Variants in BLACAT1 observed in about 807,000 individuals in gnomAD.
BLACAT1 encodes BLACAT1 overlapping LEMD1 locus.
At chr1:205,440,043 T>G (rs7552585) in exon 2 of BLACAT1, among the ~76,000 whole-genome samples, 1 of 151,868 alleles carries the variant, frequency 6.6e-6, no homozygotes, top group Non-Finnish European at 1.5e-5. Context: ...GCACCACATA[T>G]GAACGCAGTC....
At chr1:205,438,927 G>A (rs1440382973), downstream of BLACAT1, among the ~76,000 whole-genome samples, 2 of 151,958 alleles carry the variant, frequency 1.3e-5, no homozygotes, top group South Asian at 2.1e-4. Flanking sequence ...TCGGCCACCC[G>A]CTCCCCAGGA....
At chr1:205,447,432 G>A (rs576972452) in intron 1 of BLACAT1, among the ~76,000 whole-genome samples, 86 of 152,274 alleles carry the variant, frequency 5.6e-4, no homozygotes, top group Non-Finnish European at 1.1e-3. Flanking sequence ...AGTGCTTTCT[G>A]TGATTCTTCA....
At chr1:205,455,187 T>C (rs1666548152) in intron 1 of BLACAT1, among the ~76,000 whole-genome samples, 1 of 152,060 alleles carries the variant, frequency 6.6e-6, no homozygotes, top group South Asian at 2.1e-4. Flanking sequence ...AGCTCCGGCC[T>C]TTCTTAGGCA....
intron 1 of BLACAT1, among the ~76,000 whole-genome samples, chr1:205,443,301 C>T (rs1318669233): frequency 6.6e-6 from 1 of 152,178 alleles, no homozygotes; most frequent in Non-Finnish European, 1.5e-5. Context: ...CATCGATCCC[C>T]TTTCCTTTTC....
intron 1 of BLACAT1, chr1:205,449,852 C>T (rs1380963263): frequency 6.5e-6 from 1 of 152,674 alleles, no homozygotes; most frequent in Non-Finnish European, 1.5e-5. Context: ...GGCTGGGGGT[C>T]CCAGGGGCTG....
chr1:205,442,557 C>T (rs1362443580), intron 1 of BLACAT1, among the ~76,000 whole-genome samples: 1 of 152,230 alleles, frequency 6.6e-6, no homozygotes, highest in African/African-American at 2.4e-5. Flanking sequence ...TCCCCTCCCT[C>T]AGCCTCTCAG....
chr1:205,450,256 C>T lies in BLACAT1; in HGVS notation c.-37+5661G>A, dbSNP rs1210434529. 1.3e-5 allele frequency among the ~76,000 whole-genome samples: 2 copies of T among 152,064 alleles called. No individual in the cohort carries two copies. Among genetic ancestry groups the T allele is most frequent in the Non-Finnish European group, 2.9e-5 (2 of 68,004 alleles). The stretch of plus-strand genomic sequence containing the variant: ...GTATCTACTGGCTTTTGATCTCACT[C>T]CCTCTGAACCAGCCATGTATTACTC... On this transcript the variant is annotated intron_variant, in intron 1 of 1. Transcript: ENST00000629624. This position sits in a 1 kb window ranked among gnomAD's most constrained non-coding sequence, Gnocchi z 4.4.
intron 1 of BLACAT1, among the ~76,000 whole-genome samples, chr1:205,442,916 G>C (rs1468371063): frequency 6.6e-6 from 1 of 152,168 alleles, no homozygotes; most frequent in Non-Finnish European, 1.5e-5. Context: ...AACATGCTGT[G>C]TCATCCTAAG....
chr1:205,450,552 G>A lies in BLACAT1; in HGVS notation c.-37+5365C>T, dbSNP rs1666482573. On this transcript the variant is annotated intron_variant, in intron 1 of 1. Coordinates refer to ENST00000629624, the Ensembl canonical transcript of BLACAT1. This position sits in a 1 kb window ranked among gnomAD's most constrained non-coding sequence, Gnocchi z 4.4. Reference sequence around the variant, plus strand: ...GGGAGGACAAGGTCAGCACTTATCTGTCCTTCCATTTCCTTTCTCAGACCT... The same window carrying A: ...GGGAGGACAAGGTCAGCACTTATCTATCCTTCCATTTCCTTTCTCAGACCT... 6.6e-6 allele frequency among the ~76,000 whole-genome samples: 1 copy of A among 151,214 alleles called. No homozygotes were observed. Among genetic ancestry groups the A allele is most frequent in the Admixed American group, 6.6e-5 (1 of 15,156 alleles).
intron 1 of BLACAT1, among the ~76,000 whole-genome samples, chr1:205,444,148 G>A (rs562418396): frequency 9.1e-4 from 138 of 151,772 alleles, no homozygotes; most frequent in African/African-American, 3.3e-3. Flanking sequence ...CCTTTTCCAT[G>A]CCCATAGTCC....
chr1:205,442,141 C>T (rs574412933), intron 1 of BLACAT1, among the ~76,000 whole-genome samples: 32 of 152,170 alleles, frequency 2.1e-4, no homozygotes, highest in Admixed American at 5.9e-4. Flanking sequence ...GGAAGGAAAG[C>T]GCCCTGCGTG....
chr1:205,443,368 T>G (rs1480470880), intron 1 of BLACAT1, among the ~76,000 whole-genome samples: 1 of 144,748 alleles, frequency 6.9e-6, no homozygotes, highest in Non-Finnish European at 1.5e-5. Flanking sequence ...TATACCCCCT[T>G]AAATGACCCG....
At chr1:205,443,490 C>T (rs912950198) in intron 1 of BLACAT1, among the ~76,000 whole-genome samples, 2 of 152,118 alleles carry the variant, frequency 1.3e-5, no homozygotes, top group African/African-American at 4.8e-5. Context: ...ACCTACACAT[C>T]AGAGGAAAGG....
chr1:205,440,994 A>C (rs1266214197), exon 2 of BLACAT1: 1 of 152,428 alleles, frequency 6.6e-6, no homozygotes, highest in Non-Finnish European at 1.5e-5. Flanking sequence ...AGCCGTGGAG[A>C]CCACAGAAGC....
chr1:205,439,770 C>T (rs1024336038), downstream of BLACAT1, among the ~76,000 whole-genome samples: 1 of 152,202 alleles, frequency 6.6e-6, no homozygotes, highest in Non-Finnish European at 1.5e-5. Context: ...CTGCTGCTGG[C>T]ATTCGTCTCT....
At chr1:205,455,961 GTCTCTCTCTCTCTT>G (rs998724044) in exon 1 of BLACAT1, 44 of 152,242 alleles carry the variant, frequency 2.9e-4, no homozygotes, top group African/African-American at 1.0e-3. Context: ...CTTCCTTTGT[GTCTCTCTCTCTCTT>G]TCTCTCTCTC....
chr1:205,455,949 C>A (rs182946142), exon 1 of BLACAT1: 2 of 152,434 alleles, frequency 1.3e-5, no homozygotes, highest in Admixed American at 6.5e-5. Flanking sequence ...CTCTTGCACT[C>A]ACTTCCTTTG....
chr1:205,446,596 GTGGCATGGCTCTAACC>G (rs1553400615), intron 1 of BLACAT1, among the ~76,000 whole-genome samples: 1 of 152,242 alleles, frequency 6.6e-6, no homozygotes, highest in Non-Finnish European at 1.5e-5. Flanking sequence ...GGGCAGGAAG[GTGGCATGGCTCTAACC>G]TGGCTTTCCA....
downstream of BLACAT1, among the ~76,000 whole-genome samples, chr1:205,438,590 A>G (rs1318598302): frequency 1.3e-5 from 2 of 152,222 alleles, no homozygotes; most frequent in African/African-American, 4.8e-5. Flanking sequence ...ACTGAGGGAC[A>G]ATAGAATGTG....
Sources: gnomAD v4.1 joint callset for allele counts (sites outside exome capture counted in the v4.1 genomes callset) on GRCh38, gnomAD v4.1.1 for gene constraint, Gnocchi (gnomAD v3.1) non-coding constraint, MANE v1.5 for transcripts, NCBI Gene and HGNC (gene_info 2026-07-23, HGNC 2026-07-21) for gene names.